PLSCR5: variants seen among roughly 807,000 people sequenced by gnomAD.
PLSCR5 encodes phospholipid scramblase family member 5, also known as phospholipid scramblase family, member 5.
PLSCR5 carries 44 observed loss-of-function variants against 33.6 expected under a neutral mutation model. That is an observed-to-expected ratio of 1.31 (90% confidence interval 1.03 to 1.69). PLSCR5 has a LOEUF of 1.69. Among genes scored for constraint, PLSCR5 ranks in the 40% most tolerant of loss-of-function variants. The pLI is 0.00. For synonymous variants in PLSCR5, 148 were observed against 112.3 expected, an observed-to-expected ratio of 1.32 and a Z score of -2.01; for missense variants, 375 against 318.7, an observed-to-expected ratio of 1.18 and a Z score of -1.34.
downstream of PLSCR5, among the ~76,000 whole-genome samples, chr3:146,585,129 T>C (rs936444032): frequency 6.6e-6 from 1 of 152,120 alleles, no homozygotes; most frequent in Non-Finnish European, 1.5e-5. Flanking sequence ...GAAAACTCCA[T>C]AAATGTTGAA....
chr3:146,589,617 T>A, intron 6 of PLSCR5, 36 bp downstream of exon 6: 1 of 1,473,130 alleles, frequency 6.8e-7, no homozygotes, highest in South Asian at 1.3e-5. Flanking sequence ...AGAGGGAGAA[T>A]AACAAATCAC....
At chr3:146,591,526 T>C (rs2044714071) in intron 5 of PLSCR5, among the ~76,000 whole-genome samples, 194 bp downstream of exon 5, 1 of 152,062 alleles carries the variant, frequency 6.6e-6, no homozygotes, top group African/African-American at 2.4e-5. Flanking sequence ...TAAAAAATCC[T>C]TGGACTTTAT....
At chr3:146,589,932 C>CAAATAA in intron 5 of PLSCR5, 118 bp from the exon 6 acceptor site, 1 of 632,420 alleles carries the variant, frequency 1.6e-6, no homozygotes, top group Non-Finnish European at 2.5e-6. Context: ...TTCAAAATGA[C>CAAATAA]AATTCCATGT....
At chr3:146,581,929 A>G (rs376549869), downstream of PLSCR5, among the ~76,000 whole-genome samples, 16 of 152,344 alleles carry the variant, frequency 1.1e-4, no homozygotes, top group South Asian at 1.4e-3. Flanking sequence ...GTCCACATCT[A>G]GTTCTCTTAA....
chr3:146,590,997 G>GTTTTTTTTTT (rs371124404), intron 5 of PLSCR5, among the ~76,000 whole-genome samples: 1 of 141,884 alleles, frequency 7.0e-6, no homozygotes, highest in Non-Finnish European at 1.5e-5. Context: ...GTTTTTTTTT[G>GTTTTTTTTTT]TTTTTTTTTT....
intron 6 of PLSCR5, among the ~76,000 whole-genome samples, chr3:146,589,360 C>T (rs2044690379): frequency 6.6e-6 from 1 of 151,732 alleles, no homozygotes; most frequent in African/African-American, 2.4e-5. Flanking sequence ...AGCCAAAAAT[C>T]TAAATTGAAC....
chr3:146,580,454 C>CTTTTTTTTT (rs1170556618), intron 7 of PLSCR5, among the ~76,000 whole-genome samples: 6 of 60,570 alleles, frequency 9.9e-5, no homozygotes, highest in African/African-American at 2.2e-4. Context: ...TTTGAATTTG[C>CTTTTTTTTT]TTTTTTTTTT....
rs1466824806 is a variant in PLSCR5, at chr3:146,593,955, A to G, written c.418T>C (p.Cys140Arg). The G allele has an allele frequency of 6.2e-7, 1 of 1,613,774 alleles. No individual in the cohort carries two copies. Among genetic ancestry groups the G allele is most frequent in the East Asian group, 2.2e-5 (1 of 44,872 alleles). The change falls in exon 4 of 8, where the codon TGT (cysteine) becomes CGT (arginine). Residue 140 changes from cysteine to arginine, a missense_variant. Physicochemically the swap from Cys to Arg is radical, Grantham distance 180. Transcript: ENST00000443512. ...TAGCAAGGGCACCAGCAGCTGTTAC[A>G]TCTCAAGGGCCTGTTCACTGTAATG... is the stretch of plus-strand genomic sequence containing the variant. Reference protein sequence around the residue: ...EVITVNRPLRCNSCWCPCYLQ... With the variant: ...EVITVNRPLRRNSCWCPCYLQ...
chr3:146,584,829 T>G (rs1473700272), downstream of PLSCR5, among the ~76,000 whole-genome samples: 1 of 152,176 alleles, frequency 6.6e-6, no homozygotes, highest in Non-Finnish European at 1.5e-5. Flanking sequence ...GATCATCTCC[T>G]AATTTCAAAT....
intron 4 of PLSCR5, 68 bp from the exon 5 acceptor site, chr3:146,591,949 C>A: frequency 7.7e-7 from 1 of 1,301,864 alleles, no homozygotes; most frequent in South Asian, 1.5e-5. Context: ...ACTATAATGT[C>A]AATTTACCTG....
intron 1 of PLSCR5, among the ~76,000 whole-genome samples, chr3:146,601,869 A>C (rs1218676644): frequency 2.6e-5 from 4 of 151,778 alleles, no homozygotes; most frequent in African/African-American, 7.2e-5. Context: ...TCATTAAGAA[A>C]ACTCAAGCAT....
At position 146,604,590 on chromosome 3, in the gene PLSCR5, A is replaced by G. The variant is rs144777487; in HGVS notation, c.13+610T>C. Among the ~76,000 whole-genome samples the G allele has an allele frequency of 2.5e-3, 377 of 152,206 alleles. 3 individuals are homozygous for G. The highest frequency in any genetic ancestry group is 8.7e-3 in the African/African-American group (362 of 41,570). On this transcript the variant is annotated intron_variant, in intron 1 of 7. Coordinates refer to ENST00000443512, the MANE Select transcript of PLSCR5 (RefSeq NM_001085420.2). Reference sequence around the variant, plus strand: ...GTCAGATTCTTTATAATAAATGGCTATATCACATAATTTGAATAACAAATG... The same window carrying G: ...GTCAGATTCTTTATAATAAATGGCTGTATCACATAATTTGAATAACAAATG...
chr3:146,597,406 A>C (rs2044770482), intron 2 of PLSCR5, among the ~76,000 whole-genome samples: 1 of 152,152 alleles, frequency 6.6e-6, no homozygotes, highest in Admixed American at 6.6e-5. Context: ...CAATTCTGAC[A>C]TGCATTCTAT....
At chr3:146,583,726 A>T (rs2044648623), downstream of PLSCR5, among the ~76,000 whole-genome samples, 1 of 152,186 alleles carries the variant, frequency 6.6e-6, no homozygotes, top group Non-Finnish European at 1.5e-5. Flanking sequence ...GATATATTCT[A>T]AGAAGGATTT....
At chr3:146,598,722 T>C (rs2044784190) in intron 2 of PLSCR5, among the ~76,000 whole-genome samples, 1 of 152,180 alleles carries the variant, frequency 6.6e-6, no homozygotes, top group Admixed American at 6.5e-5. Flanking sequence ...CTGACAACAT[T>C]CCCAAACAGC....
chr3:146,598,813 C>A (rs1363475428), intron 2 of PLSCR5, among the ~76,000 whole-genome samples: 4 of 152,222 alleles, frequency 2.6e-5, no homozygotes, highest in Non-Finnish European at 5.9e-5. Context: ...GCGTTTCCAG[C>A]TCTTTTACAT....
chr3:146,605,292 G>A lies in PLSCR5; in HGVS notation c.-80C>T, dbSNP rs780793062. On this transcript the variant is annotated 5_prime_UTR_variant, in exon 1 of 8. Coordinates refer to ENST00000443512, the MANE Select transcript of PLSCR5 (RefSeq NM_001085420.2). ...TCTTGTTGCAGCAAGGAGAGAAAAC[G>A]CAGCATGCACAAAACTTCAGAACGT... 32 of 1,603,142 alleles carry A rather than the reference G, an allele frequency of 2.0e-5. No homozygotes were observed. Among genetic ancestry groups the A allele is most frequent in the Middle Eastern group, 3.3e-4 (2 of 5,978 alleles).
At position 146,590,987 on chromosome 3, in the gene PLSCR5, GTTTTTTTTTGTTT is replaced by G. The variant is rs202057193; in HGVS notation, c.615+720_615+732del. Among the ~76,000 whole-genome samples the G allele has an allele frequency of 3.4e-4, 30 of 88,116 alleles. No individual in the cohort carries two copies. The East Asian group carries it at 5.2e-3, about 15-fold the overall frequency. 57.8% of individuals were successfully genotyped at this position (88,116 alleles called of 152,430 possible). A position where few individuals can be genotyped will look rare whatever the true frequency, so the allele number is the denominator to read the frequency against. On this transcript the variant is annotated intron_variant, in intron 5 of 7. Coordinates refer to ENST00000443512, the MANE Select transcript of PLSCR5 (RefSeq NM_001085420.2). The stretch of plus-strand genomic sequence containing the variant: ...CAATTTATACAAATACGAGAATAAG[GTTTTTTTTTGTTT>G]TTTTTTTTTGTTTTTTTTACAAAAC...
chr3:146,593,809 T>A lies in PLSCR5; in HGVS notation c.453+111A>T, dbSNP rs551886169. On this transcript the variant is annotated intron_variant, in intron 4 of 7. Transcript: ENST00000443512. The stretch of plus-strand genomic sequence containing the variant: ...TCCTAAAGGAGCAACATACTATTAA[T>A]AATTAAAACAACTGGCAGGTTAATT... 9.4e-6 allele frequency: 9 copies of A among 959,842 alleles called. No individual in the cohort carries two copies. The African/African-American group carries it at 1.5e-4, about 16-fold the overall frequency. 59.5% of individuals were successfully genotyped at this position (959,842 alleles called of 1,614,324 possible).
Sources: gnomAD v4.1 joint callset for allele counts (sites outside exome capture counted in the v4.1 genomes callset) on GRCh38, gnomAD v4.1.1 for gene constraint, MANE v1.5 for transcripts, NCBI Gene and HGNC (gene_info 2026-07-23, HGNC 2026-07-21) for gene names.